CLASP1: variants seen among roughly 807,000 people sequenced by gnomAD.
CLASP1 encodes CLIP-associating protein 1.
In CLASP1, 38 loss-of-function variants were observed where a neutral mutation model predicts 192.3. The ratio of observed to expected loss-of-function variants is 0.20; its 90% CI spans 0.15 to 0.26. The LOEUF is 0.26. Ranked by LOEUF, CLASP1 falls within the 10% of genes least tolerant of loss-of-function variation. The pLI is 1.00. For synonymous variants in CLASP1, 691 were observed against 712.8 expected, an observed-to-expected ratio of 0.97 and a Z score of 0.49; for missense variants, 1,433 against 1,932.5, an observed-to-expected ratio of 0.74 and a Z score of 4.85.
intron 2 of CLASP1, among the ~76,000 whole-genome samples, chr2:121,564,486 T>C (rs1218843889): frequency 6.6e-6 from 1 of 152,222 alleles, no homozygotes; most frequent in African/African-American, 2.4e-5. Context: ...TGTATTGATT[T>C]ACCCTGTTTT....
At chr2:121,384,000 A>G (rs1376538177) in intron 32 of CLASP1, among the ~76,000 whole-genome samples, 1 of 138,152 alleles carries the variant, frequency 7.2e-6, no homozygotes, top group East Asian at 2.1e-4. Flanking sequence ...AGATATATAT[A>G]TATATATACA....
chr2:121,346,977 G>C, intron 39 of CLASP1, 61 bp downstream of exon 40: 1 of 1,051,304 alleles, frequency 9.5e-7, no homozygotes, highest in Non-Finnish European at 1.4e-6. Context: ...CAGTCAAATG[G>C]ATTTATGACA....
intron 10 of CLASP1, among the ~76,000 whole-genome samples, chr2:121,462,002 T>C (rs1212690350): frequency 1.3e-5 from 2 of 152,278 alleles, no homozygotes; most frequent in Middle Eastern, 3.4e-3. Context: ...ACAGTCAGTG[T>C]AGGCTGAGGA....
intron 5 of CLASP1, 30 bp downstream of exon 5, chr2:121,527,769 G>A (rs183368196): frequency 1.0e-4 from 156 of 1,513,082 alleles, no homozygotes; most frequent in Non-Finnish European, 1.3e-4. Context: ...ATTCAGCCAC[G>A]TAAAAATGTC....
At chr2:121,421,130 A>C (rs2079428799) in intron 22 of CLASP1, among the ~76,000 whole-genome samples, 1 of 152,234 alleles carries the variant, frequency 6.6e-6, no homozygotes, top group African/African-American at 2.4e-5. Context: ...CATCAAAGTA[A>C]ATCTAGTGGT....
Position 121,394,998 on chromosome 2 carries a change from G to C in CLASP1, c.3123+2142C>G. 1.3e-5 allele frequency among the ~76,000 whole-genome samples: 2 copies of C among 152,092 alleles called. 1 individual carries two copies. The highest frequency in any genetic ancestry group is 6.3e-3 in the Middle Eastern group (2 of 316). On this transcript the variant is annotated intron_variant, in intron 30 of 39. Coordinates refer to ENST00000263710, the Ensembl canonical transcript of CLASP1. ...TATTTCTTCATGTATTCTCCCGATA[G>C]CTTTGAACAAGCAAACTTCCTGGCA...
chr2:121,567,684 CA>C (rs1264390013), intron 2 of CLASP1, among the ~76,000 whole-genome samples: 3 of 152,224 alleles, frequency 2.0e-5, no homozygotes, highest in Non-Finnish European at 4.4e-5. Context: ...ATCTTATCTT[CA>C]CATACACACA....
chr2:121,558,659 C>G (rs1197653561), intron 2 of CLASP1, among the ~76,000 whole-genome samples: 2 of 152,146 alleles, frequency 1.3e-5, no homozygotes, highest in Non-Finnish European at 2.9e-5. Flanking sequence ...CCAGAGGTGG[C>G]CCTTTGACTC....
intron 32 of CLASP1, among the ~76,000 whole-genome samples, chr2:121,384,966 G>C (rs1346446105): frequency 6.6e-6 from 1 of 152,034 alleles, no homozygotes; most frequent in Non-Finnish European, 1.5e-5. Flanking sequence ...AACACTGTCT[G>C]GTCAAGATAA....
chr2:121,532,107 A>C (rs1369881120), intron 2 of CLASP1, among the ~76,000 whole-genome samples: 1 of 152,204 alleles, frequency 6.6e-6, no homozygotes, highest in Non-Finnish European at 1.5e-5. Context: ...TAAAAGCAAA[A>C]ACTGCAGACT....
intron 37 of CLASP1, among the ~76,000 whole-genome samples, chr2:121,362,073 G>A (rs887638380): frequency 2.6e-5 from 4 of 152,200 alleles, no homozygotes; most frequent in African/African-American, 7.2e-5. Context: ...CTATGTAGAC[G>A]GAAGAATTGT....
At chr2:121,516,336 T>G (rs2094291778) in intron 6 of CLASP1, among the ~76,000 whole-genome samples, 1 of 152,098 alleles carries the variant, frequency 6.6e-6, no homozygotes, top group Admixed American at 6.5e-5. Flanking sequence ...AGCAATCACA[T>G]TAGGGGATGT....
At chr2:121,467,319 A>G (rs1334893033) in intron 9 of CLASP1, among the ~76,000 whole-genome samples, 1 of 152,238 alleles carries the variant, frequency 6.6e-6, no homozygotes, top group East Asian at 1.9e-4. Context: ...CTTTGGGTAT[A>G]TGCCCAATAA....
intron 6 of CLASP1, among the ~76,000 whole-genome samples, chr2:121,524,732 C>T (rs1340153716): frequency 1.3e-5 from 2 of 152,192 alleles, no homozygotes; most frequent in Non-Finnish European, 2.9e-5. Flanking sequence ...GCTGGGATTA[C>T]TGGCATGAGC....
intron 8 of CLASP1, among the ~76,000 whole-genome samples, chr2:121,494,214 G>A (rs2093436815): frequency 1.3e-5 from 2 of 152,204 alleles, no homozygotes; most frequent in Non-Finnish European, 2.9e-5. Flanking sequence ...TCCATCAACA[G>A]GAGAAGGAAT....
exon 9 of CLASP1, chr2:121,469,918 G>C: frequency 6.2e-7 from 1 of 1,612,820 alleles, no homozygotes; most frequent in Non-Finnish European, 8.5e-7. Context: ...AGCAGAGGAA[G>C]GTCTGTTACC....
chr2:121,574,427 G>A (rs964109774), intron 2 of CLASP1, among the ~76,000 whole-genome samples: 12 of 151,958 alleles, frequency 7.9e-5, no homozygotes, highest in Non-Finnish European at 1.5e-4. Context: ...CTGAGGTCAG[G>A]AGTTCCAGAC....
chr2:121,600,181 C>T (rs2063632933), intron 2 of CLASP1, among the ~76,000 whole-genome samples: 1 of 152,154 alleles, frequency 6.6e-6, no homozygotes. Flanking sequence ...TGAGATCACT[C>T]ATGGAACCAG....
At chr2:121,547,824 CCTCA>C (rs1310229115) in intron 2 of CLASP1, among the ~76,000 whole-genome samples, 1 of 152,064 alleles carries the variant, frequency 6.6e-6, no homozygotes, top group East Asian at 1.9e-4. Context: ...ACCAAAAATA[CCTCA>C]CTAACGTACC....
Sources: allele counts gnomAD v4.1 joint callset (sites outside exome capture counted in the v4.1 genomes callset), GRCh38; gene constraint gnomAD v4.1.1; transcripts MANE v1.5; gene names NCBI Gene and HGNC (gene_info 2026-07-23, HGNC 2026-07-21).